Variants in GNA14 observed in about 807,000 individuals in gnomAD.
GNA14 encodes guanine nucleotide-binding protein subunit alpha-14.
Under a neutral mutation model 42.0 loss-of-function variants are expected in GNA14, and 50 were observed. The ratio of observed to expected loss-of-function variants is 1.19; its 90% CI spans 0.95 to 1.51. GNA14 has a LOEUF of 1.51. Ranked by LOEUF, GNA14 falls within the 40% of genes most tolerant of loss-of-function variation. The pLI, the probability that GNA14 is intolerant of heterozygous loss-of-function variation, is 0.00. For synonymous variants in GNA14, 173 were observed against 163.1 expected, an observed-to-expected ratio of 1.06 and a Z score of -0.46; for missense variants, 473 against 446.2, an observed-to-expected ratio of 1.06 and a Z score of -0.54.
At chr9:77,612,561 G>C (rs1374068045) in intron 1 of GNA14, among the ~76,000 whole-genome samples, 5 of 151,314 alleles carry the variant, frequency 3.3e-5, no homozygotes, top group African/African-American at 4.9e-5. Flanking sequence ...AAGAGCAAAA[G>C]AAAGACAAAG....
At chr9:77,452,576 G>GTGTGGTGTGTGTGTAGTAT (rs1564018286) in intron 2 of GNA14, among the ~76,000 whole-genome samples, 106 of 132,000 alleles carry the variant, frequency 8.0e-4, no homozygotes, top group Middle Eastern at 7.8e-3. Context: ...GTGTGTATGT[G>GTGTGGTGTGTGTGTAGTAT]CATGTGTATG....
At chr9:77,436,579 T>C (rs910793342) in intron 2 of GNA14, among the ~76,000 whole-genome samples, 2 of 152,124 alleles carry the variant, frequency 1.3e-5, no homozygotes, top group African/African-American at 4.8e-5. Context: ...ACAGTGTTTA[T>C]CCAGTGTGGT....
At chr9:77,482,754 C>A (rs1395663192) in intron 2 of GNA14, among the ~76,000 whole-genome samples, 2 of 152,144 alleles carry the variant, frequency 1.3e-5, no homozygotes, top group South Asian at 2.1e-4. Context: ...TTGTTCATTT[C>A]TTTTTATTCT....
At chr9:77,601,168 G>A (rs565448994) in intron 1 of GNA14, among the ~76,000 whole-genome samples, 20 of 152,232 alleles carry the variant, frequency 1.3e-4, no homozygotes, top group Non-Finnish European at 2.2e-4. Flanking sequence ...TTGCTGAGAC[G>A]TTTTTTTGTT....
intron 2 of GNA14, among the ~76,000 whole-genome samples, chr9:77,505,462 T>A (rs184393897): frequency 6.6e-6 from 1 of 152,282 alleles, no homozygotes; most frequent in Admixed American, 6.5e-5. Flanking sequence ...TGTGGCTGAC[T>A]CTCTCCTCCA....
At chr9:77,475,994 AG>A (rs1489856354) in intron 2 of GNA14, among the ~76,000 whole-genome samples, 6 of 152,342 alleles carry the variant, frequency 3.9e-5, no homozygotes, top group African/African-American at 1.4e-4. Flanking sequence ...CCTTGAGCTT[AG>A]ACTTCTGATG....
chr9:77,564,805 C>T (rs557530574), intron 1 of GNA14, among the ~76,000 whole-genome samples: 14 of 151,362 alleles, frequency 9.2e-5, no homozygotes, highest in African/African-American at 3.4e-4. Context: ...TGCACTCCAG[C>T]CTGGGTGACG....
chr9:77,615,863 T>C (rs1000278447), intron 1 of GNA14, among the ~76,000 whole-genome samples: 1 of 138,936 alleles, frequency 7.2e-6, no homozygotes, highest in Admixed American at 7.0e-5. Context: ...TTTTGTTTTT[T>C]GGGGTTTTTT....
chr9:77,477,341 T>A (rs186888590), intron 2 of GNA14, among the ~76,000 whole-genome samples: 1 of 152,084 alleles, frequency 6.6e-6, no homozygotes, highest in Admixed American at 6.6e-5. Context: ...AGCAAGATCA[T>A]GTCTCAGAAA....
intron 1 of GNA14, among the ~76,000 whole-genome samples, chr9:77,612,370 C>T (rs1823748106): frequency 6.6e-6 from 1 of 152,148 alleles, no homozygotes; most frequent in African/African-American, 2.4e-5. Flanking sequence ...AGATCCTTTT[C>T]CAGACATCAT....
rs556083343 is a variant in GNA14, at chr9:77,490,382, C to T, written c.309+38687G>A. Among the ~76,000 whole-genome samples the T allele has an allele frequency of 2.8e-3, 420 of 152,342 alleles. 3 individuals carry two copies. The highest frequency in any genetic ancestry group is 9.4e-3 in the African/African-American group (390 of 41,590). On this transcript the variant is annotated intron_variant, in intron 2 of 6. Transcript: ENST00000341700. ...GCCTGCCTGTCCCGTGCCATGCGCTCGCACTCCTCAGCCCTTGGGCGGTGG... is the reference window on the plus strand; with the variant it reads ...GCCTGCCTGTCCCGTGCCATGCGCTTGCACTCCTCAGCCCTTGGGCGGTGG...
chr9:77,515,631 GA>G (rs1837241988), intron 2 of GNA14, among the ~76,000 whole-genome samples: 2 of 152,074 alleles, frequency 1.3e-5, no homozygotes, highest in South Asian at 4.2e-4. Flanking sequence ...AGAGCTGGAG[GA>G]AACAGACAGG....
chr9:77,588,394 T>C (rs1250134120), intron 1 of GNA14, among the ~76,000 whole-genome samples: 1 of 152,176 alleles, frequency 6.6e-6, no homozygotes, highest in African/African-American at 2.4e-5. Context: ...AATGTGAAAG[T>C]AACAAGCAGG....
At chr9:77,474,512 G>A (rs1836385247) in intron 2 of GNA14, among the ~76,000 whole-genome samples, 1 of 152,224 alleles carries the variant, frequency 6.6e-6, no homozygotes, top group African/African-American at 2.4e-5. Context: ...AAGCACTGGT[G>A]AGGATGTGGA....
At chr9:77,470,920 C>T (rs1018827065) in intron 2 of GNA14, among the ~76,000 whole-genome samples, 2 of 152,166 alleles carry the variant, frequency 1.3e-5, no homozygotes, top group African/African-American at 2.4e-5. Flanking sequence ...TTCACAAGAA[C>T]AGCAAGGGGG....
chr9:77,425,537 C>G (rs1835439080), intron 6 of GNA14, 25 bp downstream of exon 6: 1 of 1,564,010 alleles, frequency 6.4e-7, no homozygotes, highest in South Asian at 1.2e-5. Flanking sequence ...GCACAGAAAA[C>G]ACTGTCCACA....
chr9:77,506,486 G>A (rs948516010), intron 2 of GNA14, among the ~76,000 whole-genome samples: 3 of 152,106 alleles, frequency 2.0e-5, no homozygotes, highest in African/African-American at 7.2e-5. Flanking sequence ...AGGTCATTCT[G>A]GCCAGTGTGG....
intron 1 of GNA14, among the ~76,000 whole-genome samples, chr9:77,573,187 G>A (rs947817026): frequency 3.3e-5 from 5 of 152,250 alleles, no homozygotes; most frequent in African/African-American, 9.6e-5. Flanking sequence ...GGTGGCTCAC[G>A]CGTGTAATCC....
chr9:77,498,373 C>CAAAA (rs766816001), intron 2 of GNA14, among the ~76,000 whole-genome samples: 2,470 of 53,634 alleles, frequency 0.046, 113 homozygotes, highest in East Asian at 0.071. Context: ...AAGTCTGTCT[C>CAAAA]AAAAAAAAAA....
Sources: allele counts gnomAD v4.1 joint callset (sites outside exome capture counted in the v4.1 genomes callset), GRCh38; gene constraint gnomAD v4.1.1; transcripts MANE v1.5; gene names NCBI Gene and HGNC (gene_info 2026-07-23, HGNC 2026-07-21).